Variants in EVC2 observed in about 807,000 individuals in gnomAD.
The protein encoded by EVC2 is limbin.
EVC2 carries 148 observed loss-of-function variants against 149.3 expected under a neutral mutation model. That is an observed-to-expected ratio of 0.99 (90% CI 0.87 to 1.14). The LOEUF is 1.14. Ranked by LOEUF, EVC2 falls within the 50% of genes most tolerant of loss-of-function variation. EVC2 has a pLI of 0.00. For synonymous variants in EVC2, 776 were observed against 649.9 expected, an observed-to-expected ratio of 1.19 and a Z score of -2.95; for missense variants, 1,854 against 1,627.3, an observed-to-expected ratio of 1.14 and a Z score of -2.40.
chr4:5,652,395 G>A lies in EVC2; in HGVS notation c.1145+10712C>T, dbSNP rs117611086. On this transcript the variant is annotated intron_variant, in intron 9 of 21. Coordinates refer to ENST00000344408, the MANE Select transcript of EVC2 (RefSeq NM_147127.5). Reference sequence around the variant, plus strand: ...CCGGTTAAGGACAGACGCACCCTCCGGGGACTGTCAGCTGCCCAGCACTGA... The same window carrying A: ...CCGGTTAAGGACAGACGCACCCTCCAGGGACTGTCAGCTGCCCAGCACTGA... Among the ~76,000 whole-genome samples, 42 of 152,324 alleles carry A rather than the reference G, an allele frequency of 2.8e-4. 1 individual carries two copies. In the East Asian group the frequency reaches 6.2e-3, roughly 22 times the overall value.
intron 9 of EVC2, among the ~76,000 whole-genome samples, chr4:5,651,432 C>A (rs78984860): frequency 1.3e-5 from 2 of 150,672 alleles, no homozygotes; most frequent in African/African-American, 4.9e-5. Flanking sequence ...TGATGGATGG[C>A]GGAATGAGTA....
intron 9 of EVC2, among the ~76,000 whole-genome samples, chr4:5,654,776 G>C (rs1268655957): frequency 1.3e-5 from 2 of 152,200 alleles, no homozygotes; most frequent in South Asian, 4.1e-4. Flanking sequence ...CTCTGTTGTT[G>C]AGTCAGGCCC....
At chr4:5,573,592 G>A (rs566244942) in intron 19 of EVC2, among the ~76,000 whole-genome samples, 3 of 152,338 alleles carry the variant, frequency 2.0e-5, no homozygotes, top group Admixed American at 6.5e-5. Context: ...AGGCAAATCC[G>A]CCAACACCTT....
the EVC2 span, among the ~76,000 whole-genome samples, chr4:5,535,123 T>C: frequency 3.3e-5 from 5 of 152,204 alleles, no homozygotes; most frequent in African/African-American, 1.2e-4. This position sits in a 1 kb window ranked among gnomAD's most constrained non-coding sequence, Gnocchi z 4.7. Flanking sequence ...AGGATGAATG[T>C]TCAAATCCCC....
intron 7 of EVC2, among the ~76,000 whole-genome samples, chr4:5,678,547 A>C (rs538209096): frequency 1.3e-5 from 2 of 152,176 alleles, no homozygotes; most frequent in African/African-American, 2.4e-5. Flanking sequence ...ATGTTCCTAG[A>C]AATGCATTGT....
chr4:5,582,232 A>T (rs1711860052), intron 17 of EVC2, among the ~76,000 whole-genome samples: 1 of 152,210 alleles, frequency 6.6e-6, no homozygotes, highest in African/African-American at 2.4e-5. Flanking sequence ...GTGCCTAGAA[A>T]TATTGCAGGC....
chr4:5,624,034 T>C (rs2108840919), intron 13 of EVC2, among the ~76,000 whole-genome samples: 1 of 152,246 alleles, frequency 6.6e-6, no homozygotes, highest in Middle Eastern at 3.4e-3. Context: ...GCTAAGATCA[T>C]TGAGAGACAA....
At position 5,640,522 on chromosome 4, in the gene EVC2, C is replaced by T. The variant is rs145277501; in HGVS notation, c.1462G>A (p.Gly488Ser). Residue 488 changes from glycine (G) to serine (S), a missense_variant, in exon 10 of 22, where the codon GGT becomes AGT. Transcript: ENST00000344408. This position sits in a 1 kb window ranked among gnomAD's most constrained non-coding sequence, Gnocchi z 4.6. ...EEAEELLKRA[G>S]ERSAVECSNL... is the part of the protein sequence containing the mutation. Reference sequence around the variant, plus strand: ...TTTCAGACCTGTCTTACCCTCTCACCAGCACGTTTCAGCAACTCTTCTGCT... The same window carrying T: ...TTTCAGACCTGTCTTACCCTCTCACTAGCACGTTTCAGCAACTCTTCTGCT... The T allele has an allele frequency of 2.7e-3, 4,420 of 1,614,062 alleles. 5 individuals are homozygous for T. The highest frequency in any genetic ancestry group is 3.3e-3 in the Non-Finnish European group (3,835 of 1,179,996).
chr4:5,536,465 A>C, the EVC2 span, among the ~76,000 whole-genome samples: 1 of 152,220 alleles, frequency 6.6e-6, no homozygotes, highest in Non-Finnish European at 1.5e-5. Flanking sequence ...CACTGGAGAA[A>C]TATTTTTAAT....
rs73200114 is a variant in EVC2, at chr4:5,677,694, G to C, written c.870+3566C>G. On this transcript the variant is annotated intron_variant, in intron 7 of 21. Transcript: ENST00000344408. This position sits in a 1 kb window ranked among gnomAD's most constrained non-coding sequence, Gnocchi z 4.3. Reference sequence around the variant, plus strand: ...CAGCAACCAGCCACCTCCTCCTCCTGAGCAGCAATCATCGTCATTGACGAC... The same window carrying C: ...CAGCAACCAGCCACCTCCTCCTCCTCAGCAGCAATCATCGTCATTGACGAC... Among the ~76,000 whole-genome samples, 996 of 152,326 alleles carry C rather than the reference G, an allele frequency of 6.5e-3. 5 individuals are homozygous for C. The highest frequency in any genetic ancestry group is 0.015 in the South Asian group (73 of 4,832).
Position 5,622,623 on chromosome 4 carries a change from G to T in EVC2, c.2415C>A (p.Ser805Arg). The T allele has an allele frequency of 6.2e-7, 1 of 1,613,870 alleles. No individual in the cohort carries two copies. The highest frequency in any genetic ancestry group is 1.1e-5 in the South Asian group (1 of 91,050). The change falls in exon 14 of 22, where the codon AGC becomes AGA. Residue 805 changes from serine (S) to arginine (R), a missense_variant. By Grantham distance (110) the Ser-to-Arg change is moderately radical. Coordinates refer to ENST00000344408, the MANE Select transcript of EVC2 (RefSeq NM_147127.5). This position sits in a 1 kb window ranked among gnomAD's most constrained non-coding sequence, Gnocchi z 5.8. ...ERDRDQEGVQ[S>R]VRQRLKDDAP... ...CGTCATCCTTCAGTCTCTGCCTCAC[G>T]CTCTGGACACCCTCCTGGTCCCTGT...
chr4:5,599,613 C>G (rs1713799061), intron 16 of EVC2, among the ~76,000 whole-genome samples: 2 of 152,222 alleles, frequency 1.3e-5, no homozygotes, highest in South Asian at 4.1e-4. Flanking sequence ...GGAGATATAC[C>G]TAATGCGAAA....
At chr4:5,609,474 G>A (rs776911846) in intron 16 of EVC2, among the ~76,000 whole-genome samples, 11 of 152,184 alleles carry the variant, frequency 7.2e-5, no homozygotes, top group East Asian at 5.8e-4. Context: ...TGAAATGGCC[G>A]ACTGTGAAGA....
chr4:5,622,589 C>A lies in EVC2; in HGVS notation c.2449G>T (p.Ala817Ser). ...RQRLKDDAPEAVTEEQAELRR... is the reference protein window; with the variant it reads ...RQRLKDDAPESVTEEQAELRR... ...AGCTCTGCCTGCTCCTCTGTCACGG[C>A]CTCAGGAGCGTCATCCTTCAGTCTC... The change falls in exon 14 of 22, where the codon GCC (alanine) becomes TCC (serine). Residue 817 changes from alanine (A) to serine (S), a missense_variant. Transcript: ENST00000344408. This position sits in a 1 kb window ranked among gnomAD's most constrained non-coding sequence, Gnocchi z 5.8. 6.2e-7 allele frequency: 1 copy of A among 1,614,038 alleles called. No homozygotes were observed. The highest frequency in any genetic ancestry group is 8.5e-7 in the Non-Finnish European group (1 of 1,179,986).
chr4:5,607,455 T>C (rs1714482037), intron 16 of EVC2, among the ~76,000 whole-genome samples: 1 of 152,206 alleles, frequency 6.6e-6, no homozygotes, highest in African/African-American at 2.4e-5. Flanking sequence ...GCAAATTCTG[T>C]GTCTGTGCAT....
At chr4:5,608,186 G>C (rs1356181676) in intron 16 of EVC2, among the ~76,000 whole-genome samples, 1 of 152,186 alleles carries the variant, frequency 6.6e-6, no homozygotes, top group East Asian at 1.9e-4. Context: ...CTGAGGGTTG[G>C]CATGGATATC....
chr4:5,537,929 C>G (rs901335512), downstream of EVC2, among the ~76,000 whole-genome samples: 1 of 151,654 alleles, frequency 6.6e-6, no homozygotes, highest in Non-Finnish European at 1.5e-5. Flanking sequence ...AAGGAAACAA[C>G]AAAGATAAGA....
chr4:5,612,088 G>C (rs921689266), intron 16 of EVC2, among the ~76,000 whole-genome samples: 2 of 152,146 alleles, frequency 1.3e-5, no homozygotes, highest in African/African-American at 4.8e-5. Context: ...AAATTGGAAA[G>C]GAAACGAAAA....
At chr4:5,705,325 T>C (rs544850216) in intron 1 of EVC2, among the ~76,000 whole-genome samples, 101 of 152,346 alleles carry the variant, frequency 6.6e-4, no homozygotes, top group African/African-American at 2.3e-3. Flanking sequence ...GGACATCAGA[T>C]AGGCTTGCTA....
Sources: gnomAD v4.1 joint callset for allele counts (sites outside exome capture counted in the v4.1 genomes callset) on GRCh38, gnomAD v4.1.1 for gene constraint, Gnocchi (gnomAD v3.1) non-coding constraint, MANE v1.5 for transcripts, NCBI Gene and HGNC (gene_info 2026-07-23, HGNC 2026-07-21) for gene names.